MCM8: variants seen among roughly 807,000 people sequenced by gnomAD.
MCM8 encodes DNA helicase MCM8.
MCM8 carries 85 observed loss-of-function variants against 98.9 expected under a neutral mutation model. The ratio of observed to expected loss-of-function variants is 0.86; its 90% CI spans 0.72 to 1.03. The LOEUF is 1.03. Ranked by LOEUF, MCM8 falls within the 50% of genes least tolerant of loss-of-function variation. The probability of loss-of-function intolerance (pLI) is 0.00; values close to 1 mark genes in which losing one functional copy is unlikely to be tolerated. For missense variants in MCM8, 951 were observed against 997.8 expected, an observed-to-expected ratio of 0.95 and a Z score of 0.63; for synonymous variants, 352 against 338.6, an observed-to-expected ratio of 1.04 and a Z score of -0.44.
intron 8 of MCM8, among the ~76,000 whole-genome samples, 166 bp downstream of exon 8, chr20:5,963,525 CTTTTTTTT>C (rs34718923): frequency 5.4e-5 from 6 of 110,470 alleles, no homozygotes; most frequent in African/African-American, 1.2e-4. Context: ...TAAAATAATT[CTTTTTTTT>C]TTTTTTTTTT....
chr20:5,985,811 G>A (rs540344584), intron 15 of MCM8, 111 bp from the exon 16 acceptor site: 30 of 1,042,276 alleles, frequency 2.9e-5, no homozygotes, highest in East Asian at 1.0e-4. Flanking sequence ...CTCCCAAAGC[G>A]CAGGGATTAC....
At position 5,994,763 on chromosome 20, in the gene MCM8, G is replaced by C. The variant is rs1568604903; in HGVS notation, c.*372G>C. 2.2e-6 allele frequency: 1 copy of C among 449,416 alleles called. No homozygotes were observed. Among genetic ancestry groups the C allele is most frequent in the Non-Finnish European group, 4.4e-6 (1 of 225,376 alleles). The allele number at this position is 449,416 out of a possible 1,614,324, so 27.8% of individuals were successfully genotyped here. On this transcript the variant is annotated 3_prime_UTR_variant, in exon 19 of 19. Coordinates refer to ENST00000610722, the MANE Select transcript of MCM8 (RefSeq NM_032485.6). ...AAAAAAAAAAAAAAATTTAAACTTA[G>C]CTGGGTATGGTGGCACATGCCTATA...
intron 10 of MCM8, among the ~76,000 whole-genome samples, chr20:5,970,322 T>G (rs1465736694): frequency 6.6e-6 from 1 of 152,214 alleles, no homozygotes; most frequent in Non-Finnish European, 1.5e-5. Context: ...AGCAATGATT[T>G]GGATCAACAT....
chr20:5,953,827 C>T (rs2088899937), intron 3 of MCM8, among the ~76,000 whole-genome samples: 1 of 152,036 alleles, frequency 6.6e-6, no homozygotes, highest in South Asian at 2.1e-4. Flanking sequence ...ACCCTCCCTG[C>T]CCCATACCAG....
intron 7 of MCM8, among the ~76,000 whole-genome samples, chr20:5,959,330 G>A (rs1443499206): frequency 3.3e-5 from 5 of 151,934 alleles, no homozygotes; most frequent in Non-Finnish European, 5.9e-5. Context: ...CCCTTTATTT[G>A]CTCCCTAGAT....
At chr20:5,976,099 C>T (rs1003225959) in intron 12 of MCM8, among the ~76,000 whole-genome samples, 1 of 152,100 alleles carries the variant, frequency 6.6e-6, no homozygotes, top group African/African-American at 2.4e-5. Flanking sequence ...GAGGACCAAG[C>T]TGGACAATAT....
chr20:5,985,378 A>G (rs562478443), intron 15 of MCM8, among the ~76,000 whole-genome samples: 1 of 143,676 alleles, frequency 7.0e-6, no homozygotes, highest in African/African-American at 2.6e-5. Context: ...TGGGAGGCGG[A>G]GGTTGCAGTG....
intron 7 of MCM8, among the ~76,000 whole-genome samples, chr20:5,959,767 T>G (rs1272368172): frequency 6.9e-6 from 1 of 145,692 alleles, no homozygotes; most frequent in Non-Finnish European, 1.5e-5. Context: ...GGCGCGATCT[T>G]GGCTCACCGC....
intron 13 of MCM8, among the ~76,000 whole-genome samples, chr20:5,981,715 A>G (rs1458323043): frequency 1.3e-5 from 2 of 152,234 alleles, no homozygotes; most frequent in Non-Finnish European, 2.9e-5. Flanking sequence ...GTAGGAAGAA[A>G]GAAAGACATT....
At chr20:5,973,376 G>T (rs533711595) in intron 12 of MCM8, among the ~76,000 whole-genome samples, 180 bp downstream of exon 12, 1 of 152,314 alleles carries the variant, frequency 6.6e-6, no homozygotes, top group South Asian at 2.1e-4. Context: ...TTTAAATTGA[G>T]CCAGTCTCCT....
At chr20:5,980,569 AT>A (rs2089608350) in intron 13 of MCM8, among the ~76,000 whole-genome samples, 1 of 152,232 alleles carries the variant, frequency 6.6e-6, no homozygotes, top group Non-Finnish European at 1.5e-5. Flanking sequence ...ATGCAACTTC[AT>A]TAACTAGAAG....
At chr20:5,955,958 G>A (rs777563279) in intron 5 of MCM8, among the ~76,000 whole-genome samples, 2 of 151,928 alleles carry the variant, frequency 1.3e-5, no homozygotes, top group South Asian at 2.1e-4. Context: ...TAGTAGAGAC[G>A]GGGTTTCACG....
chr20:5,975,287 T>G (rs2089485555), intron 12 of MCM8, among the ~76,000 whole-genome samples: 1 of 151,770 alleles, frequency 6.6e-6, no homozygotes, highest in Non-Finnish European at 1.5e-5. Flanking sequence ...AAACATTATG[T>G]TTAGAATATG....
At chr20:5,965,493 C>T (rs1287429918) in intron 8 of MCM8, 1 of 152,176 alleles carries the variant, frequency 6.6e-6, no homozygotes, top group Non-Finnish European at 1.5e-5. Flanking sequence ...CCTTCTACTC[C>T]TTTCCCTTCC....
chr20:5,967,107 CT>C (rs1471336995), intron 8 of MCM8, among the ~76,000 whole-genome samples: 2 of 152,134 alleles, frequency 1.3e-5, no homozygotes, highest in Non-Finnish European at 2.9e-5. Flanking sequence ...GTATTCTGGA[CT>C]TTATTTTGTT....
At chr20:5,961,546 G>A (rs1425861310) in intron 7 of MCM8, among the ~76,000 whole-genome samples, 2 of 152,222 alleles carry the variant, frequency 1.3e-5, no homozygotes, top group African/African-American at 4.8e-5. Context: ...GGTGTTGATA[G>A]ATGGGTTTCA....
chr20:5,958,794 T>A, intron 7 of MCM8, 68 bp downstream of exon 7: 1 of 1,376,646 alleles, frequency 7.3e-7, no homozygotes, highest in Non-Finnish European at 1.0e-6. Context: ...ACAGAAAACA[T>A]TTCCCAGTGT....
chr20:5,988,555 T>G (rs1297016797), intron 17 of MCM8, among the ~76,000 whole-genome samples: 1 of 152,132 alleles, frequency 6.6e-6, no homozygotes, highest in Non-Finnish European at 1.5e-5. Context: ...TTATTAGCAG[T>G]TTTTTGTGTG....
chr20:5,956,899 GA>G (rs1360142772), intron 5 of MCM8, among the ~76,000 whole-genome samples: 3 of 152,052 alleles, frequency 2.0e-5, no homozygotes, highest in Admixed American at 6.6e-5. Flanking sequence ...GAAAGTAGCA[GA>G]CTGGGATGCT....
Sources: allele counts gnomAD v4.1 joint callset (sites outside exome capture counted in the v4.1 genomes callset), GRCh38; gene constraint gnomAD v4.1.1; transcripts MANE v1.5; gene names NCBI Gene and HGNC (gene_info 2026-07-23, HGNC 2026-07-21).